The following HLCS variants were observed in gnomAD, a reference collection of about 807,000 sequenced individuals.
HLCS encodes the protein holocarboxylase synthetase.
A neutral mutation model predicts 75.0 loss-of-function variants in HLCS; 53 were observed. That is an observed-to-expected ratio of 0.71 (90% confidence interval 0.57 to 0.89). The LOEUF (loss-of-function observed/expected upper bound fraction) is 0.89, where lower values mean the gene tolerates loss of function less well. Ranked by LOEUF, HLCS falls within the 40% of genes least tolerant of loss-of-function variation. HLCS has a pLI of 0.00. For synonymous variants in HLCS, 431 were observed against 428.6 expected, an observed-to-expected ratio of 1.01 and a Z score of -0.07; for missense variants, 966 against 1,074.0, an observed-to-expected ratio of 0.90 and a Z score of 1.41.
intron 6 of HLCS, among the ~76,000 whole-genome samples, chr21:36,843,818 C>T (rs2062701627): frequency 1.3e-5 from 2 of 151,956 alleles, no homozygotes; most frequent in African/African-American, 4.8e-5. Flanking sequence ...CCAGCCTGGG[C>T]AACAAAGAGA....
chr21:36,807,747 A>C (rs1429282056), intron 6 of HLCS, among the ~76,000 whole-genome samples: 2 of 152,176 alleles, frequency 1.3e-5, no homozygotes. Context: ...ACGCATCCAG[A>C]GGTGGGAGTC....
At chr21:36,803,011 A>C (rs1601318432) in intron 6 of HLCS, among the ~76,000 whole-genome samples, 1 of 151,842 alleles carries the variant, frequency 6.6e-6, no homozygotes. Context: ...GTGAAGAAAA[A>C]CTCTGGGCGA....
intron 5 of HLCS, among the ~76,000 whole-genome samples, chr21:36,897,400 C>T (rs1054398268): frequency 2.0e-5 from 3 of 152,196 alleles, no homozygotes; most frequent in African/African-American, 7.2e-5. Flanking sequence ...TTACATCTTA[C>T]ATTCTCTCAT....
chr21:36,800,922 G>A (rs75730578), intron 6 of HLCS, among the ~76,000 whole-genome samples: 1,919 of 152,034 alleles, frequency 0.013, 32 homozygotes, highest in African/African-American at 0.042. Context: ...GTTGAGGGGC[G>A]GAGAGAGGTG....
rs1475049615 is a variant in HLCS at position 36,920,819 on chromosome 21, TAAAA to T, written c.1620+9428_1620+9431del. 3.9e-5 allele frequency among the ~76,000 whole-genome samples: 6 copies of T among 152,286 alleles called. No homozygotes were observed. In the East Asian group the frequency reaches 1.2e-3, roughly 29 times the overall value. The stretch of plus-strand genomic sequence containing the variant: ...TTGACCTTTAAAGCATTTTATTAAC[TAAAA>T]AGCTACAGAAAAACTTAAATCCTGA... On this transcript the variant is annotated intron_variant, in intron 5 of 10. Coordinates refer to ENST00000674895, the MANE Select transcript of HLCS (RefSeq NM_001352514.2).
At chr21:36,967,325 T>A (rs2848945), upstream of HLCS, among the ~76,000 whole-genome samples, 229 of 152,296 alleles carry the variant, frequency 1.5e-3, no homozygotes, top group African/African-American at 2.5e-3. Flanking sequence ...AATGTTTTTT[T>A]AAATAAGGAC....
Position 36,808,091 on chromosome 21 carries a change from A to G in HLCS, c.1893-40806T>C, listed in dbSNP as rs80224045. 2.6e-5 allele frequency among the ~76,000 whole-genome samples: 4 copies of G among 151,890 alleles called. No individual in the cohort carries two copies. In the East Asian group the frequency reaches 7.7e-4, roughly 29 times the overall value. On this transcript the variant is annotated intron_variant, in intron 6 of 10. Coordinates refer to ENST00000674895, the MANE Select transcript of HLCS (RefSeq NM_001352514.2). ...GTAAGACTAAGGCATTAAGTCACTC[A>G]TGACTTTACCAAAAGACATTTTGGT...
chr21:36,837,941 T>G (rs147969168), intron 6 of HLCS, among the ~76,000 whole-genome samples: 192 of 152,324 alleles, frequency 1.3e-3, no homozygotes, highest in African/African-American at 4.5e-3. Context: ...ATCTGAATAA[T>G]CCTTAGGTAA....
chr21:36,927,881 G>T (rs2066475398), intron 5 of HLCS, among the ~76,000 whole-genome samples: 1 of 152,196 alleles, frequency 6.6e-6, no homozygotes, highest in South Asian at 2.1e-4. Context: ...GCCAGCCCAG[G>T]CATCCAATCC....
At chr21:36,794,306 A>T (rs982971875) in intron 6 of HLCS, among the ~76,000 whole-genome samples, 1 of 152,226 alleles carries the variant, frequency 6.6e-6, no homozygotes, top group Non-Finnish European at 1.5e-5. Context: ...AAAACAAAAT[A>T]CAGCAGATAA....
chr21:36,964,748 C>T (rs552766972), intron 1 of HLCS, among the ~76,000 whole-genome samples: 2 of 152,146 alleles, frequency 1.3e-5, no homozygotes, highest in African/African-American at 2.4e-5. Context: ...AGAAGGCCAG[C>T]GGAGTCATGA....
At chr21:36,823,036 T>C (rs1222020880) in intron 6 of HLCS, among the ~76,000 whole-genome samples, 2 of 152,216 alleles carry the variant, frequency 1.3e-5, no homozygotes, top group African/African-American at 4.8e-5. Flanking sequence ...TCGTGTGTGT[T>C]AAAGCACCGC....
intron 6 of HLCS, among the ~76,000 whole-genome samples, chr21:36,887,295 G>A (rs888717808): frequency 1.3e-5 from 2 of 152,154 alleles, no homozygotes; most frequent in Non-Finnish European, 2.9e-5. Flanking sequence ...CCGGAATGAT[G>A]AAGACATCAA....
At chr21:36,888,814 G>A (rs2064644505) in intron 6 of HLCS, among the ~76,000 whole-genome samples, 1 of 152,010 alleles carries the variant, frequency 6.6e-6, no homozygotes, top group African/African-American at 2.4e-5. Flanking sequence ...GCTAGTGAAT[G>A]ACAAAGTCTT....
chr21:36,822,822 A>T (rs1601401723), intron 6 of HLCS, among the ~76,000 whole-genome samples: 1 of 152,242 alleles, frequency 6.6e-6, no homozygotes, highest in Non-Finnish European at 1.5e-5. Context: ...ACAAGACAAG[A>T]TCTAGCTAGA....
At chr21:36,792,202 C>T (rs765552827) in intron 6 of HLCS, among the ~76,000 whole-genome samples, 19 of 152,042 alleles carry the variant, frequency 1.2e-4, no homozygotes, top group Non-Finnish European at 2.8e-4. Context: ...GTAAATCACC[C>T]GGCGGCTACC....
intron 1 of HLCS, 83 bp downstream of exon 1, chr21:36,966,361 G>A (rs1249309003): frequency 1.5e-6 from 1 of 675,182 alleles, no homozygotes; most frequent in Admixed American, 6.3e-5. Context: ...CGAACTCCCG[G>A]GCTCCCGGCG....
At position 36,783,819 on chromosome 21, in the gene HLCS, A is replaced by G. The variant is rs542551419; in HGVS notation, c.1893-16534T>C. ...TGTGCACATGCACACACACACATGCACATACACACACACACATACATGCAC... is the reference window on the plus strand; with the variant it reads ...TGTGCACATGCACACACACACATGCGCATACACACACACACATACATGCAC... On this transcript the variant is annotated intron_variant, in intron 6 of 10. Coordinates refer to ENST00000674895, the MANE Select transcript of HLCS (RefSeq NM_001352514.2). Among the ~76,000 whole-genome samples, 795 of 143,204 alleles carry G rather than the reference A, an allele frequency of 5.6e-3. 10 individuals are homozygous for G. The highest frequency in any genetic ancestry group is 0.018 in the African/African-American group (742 of 40,506). 93.9% of individuals were successfully genotyped at this position (143,204 alleles called of 152,430 possible).
intron 6 of HLCS, among the ~76,000 whole-genome samples, chr21:36,882,620 C>CTTTTTTTT (rs35012674): frequency 1.6e-4 from 17 of 104,460 alleles, no homozygotes; most frequent in South Asian, 3.4e-4. Flanking sequence ...TTCTTTCTTT[C>CTTTTTTTT]TTTTTTTTTT....
Sources: allele counts gnomAD v4.1 joint callset (sites outside exome capture counted in the v4.1 genomes callset), GRCh38; gene constraint gnomAD v4.1.1; transcripts MANE v1.5; gene names NCBI Gene and HGNC (gene_info 2026-07-23, HGNC 2026-07-21).